Variants in ZNF3 observed in about 807,000 individuals in gnomAD.
The protein encoded by ZNF3 is C2-H2 type zinc finger protein.
Under a neutral mutation model 36.9 loss-of-function variants are expected in ZNF3, and 16 were observed. The observed-to-expected ratio is 0.43, with a 90% CI of 0.29 to 0.66. ZNF3 has a LOEUF of 0.66. Ranked by LOEUF, ZNF3 falls within the 30% of genes least tolerant of loss-of-function variation. The pLI, the probability that ZNF3 is intolerant of heterozygous loss-of-function variation, is 0.13. For synonymous variants in ZNF3, 201 were observed against 201.9 expected (o/e 1.00, Z 0.04); for missense variants, 462 against 543.1 (o/e 0.85, Z 1.48).
rs780266945 is a variant in ZNF3, at chr7:100,064,465, G to C, written c.*323C>G. On this transcript the variant is annotated 3_prime_UTR_variant, in exon 6 of 6. Transcript: ENST00000413658. ...ATATAAGTGTAAGGAGTGTGGGAAAGCCTTCAACCACAGCTCCAACTTCAA... is the reference window on the plus strand; with the variant it reads ...ATATAAGTGTAAGGAGTGTGGGAAACCCTTCAACCACAGCTCCAACTTCAA... The C allele has an allele frequency of 2.5e-6, 4 of 1,613,934 alleles. No individual in the cohort carries two copies. The South Asian group carries it at 3.3e-5, about 13-fold the overall frequency.
chr7:100,066,027 C>A (rs1030101811), downstream of ZNF3, among the ~76,000 whole-genome samples: 4 of 151,314 alleles, frequency 2.6e-5, no homozygotes, highest in Non-Finnish European at 5.9e-5. Context: ...TTGCATAATA[C>A]TCGTGGTACA....
upstream of ZNF3, chr7:100,081,908 G>C (rs923225971): frequency 2.6e-5 from 4 of 152,932 alleles, no homozygotes; most frequent in African/African-American, 4.8e-5. This position sits in a 1 kb window ranked among gnomAD's most constrained non-coding sequence, Gnocchi z 4.3. Flanking sequence ...GGCACTCGGG[G>C]ATCTTTCGCT....
chr7:100,071,521 G>A lies in ZNF3; in HGVS notation c.963C>T (p.Phe321=). The A allele has an allele frequency of 6.2e-7, 1 of 1,613,770 alleles. No homozygotes were observed. The highest frequency in any genetic ancestry group is 8.5e-7 in the Non-Finnish European group (1 of 1,179,972). ...PYACNECGKA[F]SRSSTLIHHQ... ...GGTGAATAAGGGTTGAGCTCCTGCTGAAGGCCTTCCCACATTCATTGCAGG... is the reference window on the plus strand; with the variant it reads ...GGTGAATAAGGGTTGAGCTCCTGCTAAAGGCCTTCCCACATTCATTGCAGG... Residue 321 remains phenylalanine (F), a synonymous_variant, in exon 6 of 6, where the codon TTC becomes TTT. Transcript: ENST00000299667.
intron 5 of ZNF3, 80 bp from the exon 6 acceptor site, chr7:100,072,292 G>A (rs1395941536): frequency 2.2e-5 from 29 of 1,304,922 alleles, no homozygotes; most frequent in African/African-American, 7.4e-5. Context: ...TCATTGTAAC[G>A]AATACTTACA....
downstream of ZNF3, among the ~76,000 whole-genome samples, chr7:100,065,423 CA>C (rs111230268): frequency 2.3e-3 from 274 of 119,056 alleles, no homozygotes; most frequent in Middle Eastern, 4.5e-3. Flanking sequence ...GACTCTGTCT[CA>C]AAAAAAAAAA....
exon 6 of ZNF3, chr7:100,064,368 C>A: frequency 6.2e-7 from 1 of 1,614,030 alleles, no homozygotes; most frequent in Non-Finnish European, 8.5e-7. Context: ...ATCAGTGTAA[C>A]GAATGTGGGA....
intron 2 of ZNF3, chr7:100,079,151 G>A (rs1170814849): frequency 6.6e-6 from 1 of 152,226 alleles, no homozygotes. Flanking sequence ...TGGTGTCTCA[G>A]AGCCAACCAT....
In ZNF3 at chr7:100,070,584, G is replaced by C. The variant is rs1394599219; in HGVS notation, c.*559C>G. Reference sequence around the variant, plus strand: ...CCTAAAGGACACCATCATCACAGATGATGATTCTGGAATCTCTTCTACCCT... The same window carrying C: ...CCTAAAGGACACCATCATCACAGATCATGATTCTGGAATCTCTTCTACCCT... On this transcript the variant is annotated 3_prime_UTR_variant, in exon 6 of 6. Transcript: ENST00000299667. 1 of 985,520 alleles carries C rather than the reference G, an allele frequency of 1.0e-6. No homozygotes were observed. Among genetic ancestry groups the C allele is most frequent in the East Asian group, 1.2e-4 (1 of 8,476 alleles). 61.0% of individuals were successfully genotyped at this position (985,520 alleles called of 1,614,324 possible). A position where few individuals can be genotyped will look rare whatever the true frequency, so the allele number is the denominator to read the frequency against.
At chr7:100,064,522 C>T (rs1323667146) in exon 6 of ZNF3, 1 of 1,614,164 alleles carries the variant, frequency 6.2e-7, no homozygotes, top group Non-Finnish European at 8.5e-7. Context: ...CGGGGAAAAG[C>T]CCTACTGGTG....
Position 100,072,226 on chromosome 7 carries a change from A to G in ZNF3, c.272-14T>C. The G allele has an allele frequency of 6.4e-7, 1 of 1,551,546 alleles. No individual in the cohort carries two copies. The highest frequency in any genetic ancestry group is 8.7e-7 in the Non-Finnish European group (1 of 1,152,872). ...TGGTCTCACGATCTGACACAATAAA[A>G]AATGCAAATGTCACTTGTTCCTTAG... On this transcript the variant is annotated splice_polypyrimidine_tract_variant and intron_variant, in intron 5 of 5. Coordinates refer to ENST00000299667, the MANE Select transcript of ZNF3 (RefSeq NM_032924.5).
At chr7:100,064,436 A>C in exon 6 of ZNF3, 1 of 1,614,122 alleles carries the variant, frequency 6.2e-7, no homozygotes, top group Non-Finnish European at 8.5e-7. Flanking sequence ...ACCGGAGAGA[A>C]GCCATATAAG....
chr7:100,064,944 ATTT>A (rs1261731933), intron 5 of ZNF3: 1 of 1,608,100 alleles, frequency 6.2e-7, no homozygotes, highest in South Asian at 1.1e-5. Context: ...AGATTGTTTA[ATTT>A]TTAACATATA....
At chr7:100,072,305 G>T in intron 5 of ZNF3, 93 bp from the exon 6 acceptor site, 1 of 1,192,850 alleles carries the variant, frequency 8.4e-7, no homozygotes, top group Non-Finnish European at 1.2e-6. Context: ...TACTTACAGT[G>T]CCAAAAGCAC....
intron 1 of ZNF3, among the ~76,000 whole-genome samples, chr7:100,080,320 C>G (rs1584466063): frequency 6.6e-6 from 1 of 152,156 alleles, no homozygotes; most frequent in Admixed American, 6.6e-5. Context: ...GCACAGAGAC[C>G]TAGTGCATCA....
At position 100,070,211 on chromosome 7, in the gene ZNF3, TC is replaced by T. The variant is rs1395951962; in HGVS notation, c.*931del. 1.0e-6 allele frequency: 1 copy of T among 985,184 alleles called. No individual in the cohort carries two copies. Among genetic ancestry groups the T allele is most frequent in the Non-Finnish European group, 1.2e-6 (1 of 829,928 alleles). The allele number at this position is 985,184 out of a possible 1,614,324, so 61.0% of individuals were successfully genotyped here. On this transcript the variant is annotated 3_prime_UTR_variant, in exon 6 of 6. Transcript: ENST00000299667. The stretch of plus-strand genomic sequence containing the variant: ...GGGCTTTGCTCTTTCTCTGCATTAA[TC>T]TTCAGCTGCTGAAGAGTCAGAGGTG...
chr7:100,071,608 G>A lies in ZNF3; in HGVS notation c.876C>T (p.Thr292=). The A allele has an allele frequency of 6.2e-7, 1 of 1,614,114 alleles. No homozygotes were observed. Among genetic ancestry groups the A allele is most frequent in the South Asian group, 1.1e-5 (1 of 91,082 alleles). The change falls in exon 6 of 6, where the codon ACC becomes ACT. Residue 292 remains threonine, a synonymous_variant. Transcript: ENST00000299667. ...KPYECNECGK[T]FSWSSTLTHH... ...GGGTGAGGGTGGAGCTCCAGCTGAA[G>A]GTCTTCCCACACTCATTACATTCAT...
intron 3 of ZNF3, among the ~76,000 whole-genome samples, chr7:100,075,979 C>T (rs1794039232): frequency 6.6e-6 from 1 of 152,060 alleles, no homozygotes; most frequent in Non-Finnish European, 1.5e-5. Flanking sequence ...TGGCCAGAAA[C>T]ATATGATCCC....
chr7:100,067,161 A>G (rs1041557417), downstream of ZNF3, among the ~76,000 whole-genome samples: 1 of 152,204 alleles, frequency 6.6e-6, no homozygotes, highest in Non-Finnish European at 1.5e-5. Flanking sequence ...CATTAATAAC[A>G]GGGAACTCTG....
intron 5 of ZNF3, 104 bp from the exon 6 acceptor site, chr7:100,072,316 A>G (rs1225318935): frequency 2.8e-6 from 3 of 1,083,164 alleles, no homozygotes; most frequent in Non-Finnish European, 2.6e-6. Flanking sequence ...CCAAAAGCAC[A>G]TGCCTACAAA....
Sources: allele counts gnomAD v4.1 joint callset (sites outside exome capture counted in the v4.1 genomes callset), GRCh38; gene constraint gnomAD v4.1.1; non-coding constraint Gnocchi (gnomAD v3.1); transcripts MANE v1.5; gene names NCBI Gene and HGNC (gene_info 2026-07-23, HGNC 2026-07-21).